Variants in CA10 observed in about 807,000 individuals in gnomAD.
The protein encoded by CA10 is carbonic anhydrase-related protein 10.
Under a neutral mutation model 44.2 loss-of-function variants are expected in CA10, and 14 were observed. The ratio of observed to expected loss-of-function variants is 0.32; its 90% CI spans 0.21 to 0.50. The LOEUF is 0.50. Among genes scored for constraint, CA10 ranks in the 20% least tolerant of loss-of-function variants. The pLI, the probability that CA10 is intolerant of heterozygous loss-of-function variation, is 0.99. For missense variants in CA10, 350 were observed against 409.7 expected (o/e 0.85, Z 1.26); for synonymous variants, 159 against 141.6 (o/e 1.12, Z -0.87).
In CA10 at chr17:51,630,739, G is replaced by C. The variant is rs1466207358; in HGVS notation, c.*845C>G. The C allele has an allele frequency of 6.6e-6, 1 of 152,578 alleles. No homozygotes were observed. The highest frequency in any genetic ancestry group is 1.5e-5 in the Non-Finnish European group (1 of 68,044). The allele number at this position is 152,578 out of a possible 1,614,324, so 9.5% of individuals were successfully genotyped here. A position where few individuals can be genotyped will look rare whatever the true frequency, so the allele number is the denominator to read the frequency against. On this transcript the variant is annotated 3_prime_UTR_variant, in exon 9 of 9. Transcript: ENST00000451037. The stretch of plus-strand genomic sequence containing the variant: ...CATGGAGCCAGGGCTTAGCCTGTAA[G>C]GAAGGAGAACAGACCAAAGCCAGAA...
At chr17:51,956,649 T>C (rs1249300457) in intron 2 of CA10, among the ~76,000 whole-genome samples, 1 of 152,184 alleles carries the variant, frequency 6.6e-6, no homozygotes, top group Non-Finnish European at 1.5e-5. Context: ...CCATTAACTA[T>C]GAATCTTACC....
intron 2 of CA10, among the ~76,000 whole-genome samples, chr17:52,046,437 G>A (rs1240913064): frequency 6.6e-6 from 1 of 151,746 alleles, no homozygotes; most frequent in African/African-American, 2.4e-5. Flanking sequence ...GATATAATGA[G>A]TAATGTTATG....
At chr17:51,651,167 C>A (rs953682468) in intron 5 of CA10, among the ~76,000 whole-genome samples, 1 of 152,162 alleles carries the variant, frequency 6.6e-6, no homozygotes, top group Non-Finnish European at 1.5e-5. Flanking sequence ...CCCACTCCTG[C>A]CCACCCTGCT....
In CA10 at chr17:51,671,395, C is replaced by T. The variant is rs559598697; in HGVS notation, c.466-17659G>A. Among the ~76,000 whole-genome samples, 16 of 111,366 alleles carry T rather than the reference C, an allele frequency of 1.4e-4. 1 individual carries two copies. In the East Asian group the frequency reaches 2.8e-3, roughly 19 times the overall value. 73.1% of individuals were successfully genotyped at this position (111,366 alleles called of 152,430 possible). A position where few individuals can be genotyped will look rare whatever the true frequency, so the allele number is the denominator to read the frequency against. ...GACTCACAGTTTCACACATTTGGGT[C>T]ATTTTTTTTGTTTTTGTTTTTGTTT... On this transcript the variant is annotated intron_variant, in intron 4 of 8. Transcript: ENST00000451037.
intron 2 of CA10, among the ~76,000 whole-genome samples, chr17:52,051,464 C>G (rs1178019156): frequency 6.6e-6 from 1 of 151,456 alleles, no homozygotes; most frequent in Non-Finnish European, 1.5e-5. Context: ...AAAAAAAACT[C>G]CATGAAGAAG....
At chr17:51,831,702 G>GCAGCAGCATCAGCAC (rs1567854609) in intron 3 of CA10, among the ~76,000 whole-genome samples, 2 of 91,982 alleles carry the variant, frequency 2.2e-5, no homozygotes, top group African/African-American at 6.9e-5. Flanking sequence ...AGCAGCAGCA[G>GCAGCAGCATCAGCAC]CAGCAGCAGC....
intron 5 of CA10, among the ~76,000 whole-genome samples, chr17:51,651,782 A>G (rs1913576289): frequency 6.6e-6 from 1 of 152,194 alleles, no homozygotes; most frequent in South Asian, 2.1e-4. Context: ...TAAAGTCAGG[A>G]CCAAGGCCGA....
chr17:51,982,442 G>A (rs114189909), intron 2 of CA10, among the ~76,000 whole-genome samples: 3 of 151,860 alleles, frequency 2.0e-5, no homozygotes, highest in African/African-American at 4.8e-5. Flanking sequence ...ATGAGTTAAA[G>A]GTGTCCAGGG....
At chr17:51,850,573 T>C (rs947431394) in intron 3 of CA10, among the ~76,000 whole-genome samples, 4 of 152,312 alleles carry the variant, frequency 2.6e-5, no homozygotes, top group Non-Finnish European at 5.9e-5. Flanking sequence ...CATAACTTTA[T>C]GAGGCAGGTA....
At chr17:51,637,863 T>C (rs1912903936) in intron 6 of CA10, among the ~76,000 whole-genome samples, 1 of 152,254 alleles carries the variant, frequency 6.6e-6, no homozygotes, top group Non-Finnish European at 1.5e-5. Context: ...CTCTTTGTGC[T>C]AGGCACAGTG....
chr17:51,714,775 A>C (rs1188127466), intron 4 of CA10, among the ~76,000 whole-genome samples: 5 of 152,214 alleles, frequency 3.3e-5, no homozygotes, highest in African/African-American at 1.2e-4. Flanking sequence ...ATCTACACCT[A>C]TGAGGGATGA....
chr17:51,740,185 C>T lies in CA10; in HGVS notation c.465+7448G>A, dbSNP rs563515510. Among the ~76,000 whole-genome samples the T allele has an allele frequency of 2.6e-5, 4 of 152,274 alleles. No homozygotes were observed. The East Asian group carries it at 7.7e-4, about 29-fold the overall frequency. On this transcript the variant is annotated intron_variant, in intron 4 of 8. Transcript: ENST00000451037. Reference sequence around the variant, plus strand: ...ATTTACTCATTTAATCTCTACTCAGCAATACGTACCCTGTGCCCATTATGT... The same window carrying T: ...ATTTACTCATTTAATCTCTACTCAGTAATACGTACCCTGTGCCCATTATGT...
At chr17:52,135,048 G>A (rs752853006) in intron 1 of CA10, 16 of 487,498 alleles carry the variant, frequency 3.3e-5, no homozygotes, top group Middle Eastern at 3.2e-4. Flanking sequence ...TCCTGAGGTC[G>A]CCTGTGAGAA....
intron 1 of CA10, among the ~76,000 whole-genome samples, chr17:52,126,206 A>G (rs1161377113): frequency 2.0e-5 from 3 of 152,228 alleles, no homozygotes; most frequent in Non-Finnish European, 2.9e-5. Flanking sequence ...GTTATAAAAT[A>G]ACATTCTAAA....
intron 3 of CA10, among the ~76,000 whole-genome samples, chr17:51,926,510 G>T (rs113233316): frequency 2.0e-5 from 3 of 152,168 alleles, no homozygotes; most frequent in African/African-American, 7.2e-5. Context: ...TCTTATATTT[G>T]GGGAGTTAGA....
intron 1 of CA10, among the ~76,000 whole-genome samples, chr17:52,115,291 G>A (rs1988869119): frequency 6.6e-6 from 1 of 152,094 alleles, no homozygotes; most frequent in Non-Finnish European, 1.5e-5. Flanking sequence ...AATTTTTCCT[G>A]GTCTTGAGAC....
intron 4 of CA10, among the ~76,000 whole-genome samples, chr17:51,746,794 C>T (rs2143603558): frequency 6.6e-6 from 1 of 152,254 alleles, no homozygotes; most frequent in Middle Eastern, 3.4e-3. Context: ...CCTTAACACA[C>T]TAAAAATAAG....
chr17:51,684,587 G>C (rs1914948125), intron 4 of CA10, among the ~76,000 whole-genome samples: 1 of 152,120 alleles, frequency 6.6e-6, no homozygotes, highest in Non-Finnish European at 1.5e-5. Context: ...GACACATCTG[G>C]GGACTAAAAG....
chr17:51,719,679 G>T (rs1916288065), intron 4 of CA10, among the ~76,000 whole-genome samples: 1 of 152,036 alleles, frequency 6.6e-6, no homozygotes, highest in South Asian at 2.1e-4. Flanking sequence ...TTGAGGCCAG[G>T]AGTTTGAGAC....
Sources: gnomAD v4.1 joint callset for allele counts (sites outside exome capture counted in the v4.1 genomes callset) on GRCh38, gnomAD v4.1.1 for gene constraint, MANE v1.5 for transcripts, NCBI Gene and HGNC (gene_info 2026-07-23, HGNC 2026-07-21) for gene names.